Variants in SCAPER observed in about 807,000 individuals in gnomAD.
SCAPER encodes S phase cyclin A-associated protein in the endoplasmic reticulum.
Under a neutral mutation model 182.2 loss-of-function variants are expected in SCAPER, and 98 were observed. The observed-to-expected ratio is 0.54, with a 90% CI of 0.46 to 0.64. SCAPER has a LOEUF of 0.64. SCAPER is among the 30% of genes least tolerant of loss of function. The pLI is 0.00. For missense variants in SCAPER, 1,432 were observed against 1,690.0 expected (o/e 0.85, Z 2.68); for synonymous variants, 605 against 564.6 (o/e 1.07, Z -1.01).
chr15:76,832,012 T>A (rs981829671), intron 5 of SCAPER, among the ~76,000 whole-genome samples: 1 of 152,184 alleles, frequency 6.6e-6, no homozygotes, highest in Non-Finnish European at 1.5e-5. Context: ...CTTCAAAAAT[T>A]AAAAGAACAT....
At chr15:76,401,523 A>T (rs989911332) in intron 27 of SCAPER, among the ~76,000 whole-genome samples, 1 of 152,120 alleles carries the variant, frequency 6.6e-6, no homozygotes, top group Non-Finnish European at 1.5e-5. Context: ...ATCATTCTGT[A>T]ACAGAAATTT....
chr15:76,706,943 T>C (rs1016422568), intron 17 of SCAPER, among the ~76,000 whole-genome samples: 1 of 152,082 alleles, frequency 6.6e-6, no homozygotes. Flanking sequence ...TATACAACTG[T>C]ATAAAGAAAT....
At chr15:76,385,093 A>G (rs2043210791) in intron 27 of SCAPER, 1 of 152,196 alleles carries the variant, frequency 6.6e-6, no homozygotes, top group African/African-American at 2.4e-5. Flanking sequence ...ATTTCTGTTT[A>G]TCAAAAGCTA....
chr15:76,542,587 G>C (rs1258403991), intron 23 of SCAPER, among the ~76,000 whole-genome samples: 1 of 149,094 alleles, frequency 6.7e-6, no homozygotes, highest in African/African-American at 2.5e-5. Context: ...ATAAAAAAAA[G>C]AATCCACAAC....
At chr15:76,721,319 G>T (rs1322787916) in intron 17 of SCAPER, among the ~76,000 whole-genome samples, 1 of 151,968 alleles carries the variant, frequency 6.6e-6, no homozygotes, top group African/African-American at 2.4e-5. Flanking sequence ...TGCTGTTTTG[G>T]TTACTGTAGC....
At position 76,703,379 on chromosome 15, in the gene SCAPER, C is replaced by T. The variant is rs539565124; in HGVS notation, c.2248-377G>A. ...AGGCATCAACTTACAAATTATTTGC[C>T]AATAACACATTTTTGAGAACCACTT... On this transcript the variant is annotated intron_variant, in intron 18 of 31. Transcript: ENST00000563290. 2.0e-5 allele frequency among the ~76,000 whole-genome samples: 3 copies of T among 152,218 alleles called. No individual in the cohort carries two copies. In the South Asian group the frequency reaches 6.2e-4, roughly 32 times the overall value.
chr15:76,480,093 A>T lies in SCAPER; in HGVS notation c.2955-8758T>A, dbSNP rs558892536. ...AAAGAAGATGATTAGCAGTTTATAT[A>T]GTATTAGTTTGATGAGAACCCTCTA... On this transcript the variant is annotated intron_variant, in intron 24 of 31. Transcript: ENST00000563290. Among the ~76,000 whole-genome samples the T allele has an allele frequency of 5.3e-4, 80 of 152,332 alleles. No homozygotes were observed. In the Middle Eastern group the frequency reaches 0.014, roughly 26 times the overall value.
intron 20 of SCAPER, among the ~76,000 whole-genome samples, chr15:76,689,998 T>C (rs538526137): frequency 1.3e-5 from 2 of 151,256 alleles, no homozygotes; most frequent in South Asian, 4.2e-4. Flanking sequence ...ACCAGAAGAA[T>C]TCCAAAAATT....
chr15:76,477,840 T>C (rs1035340725), intron 24 of SCAPER, among the ~76,000 whole-genome samples: 1 of 152,136 alleles, frequency 6.6e-6, no homozygotes, highest in African/African-American at 2.4e-5. Flanking sequence ...GGGGTGTGTT[T>C]TCCTTATTTA....
chr15:76,655,137 T>A (rs910282356), intron 21 of SCAPER, among the ~76,000 whole-genome samples: 5 of 152,188 alleles, frequency 3.3e-5, no homozygotes, highest in African/African-American at 4.8e-5. Context: ...CTGAATCCAA[T>A]GATTCTAAGG....
intron 5 of SCAPER, among the ~76,000 whole-genome samples, chr15:76,824,750 T>C (rs909685120): frequency 2.6e-5 from 4 of 152,162 alleles, no homozygotes; most frequent in Non-Finnish European, 5.9e-5. Context: ...CCTAAATTTT[T>C]AATATAATCT....
chr15:76,575,769 G>C (rs1398793190), intron 22 of SCAPER, among the ~76,000 whole-genome samples: 1 of 152,162 alleles, frequency 6.6e-6, no homozygotes, highest in Admixed American at 6.5e-5. Flanking sequence ...CTCATCATAA[G>C]AGAATTAAAA....
intron 14 of SCAPER, among the ~76,000 whole-genome samples, chr15:76,763,431 T>C (rs2062920033): frequency 6.6e-6 from 1 of 152,174 alleles, no homozygotes. Context: ...TCTTGAGTTT[T>C]GACAATTTAA....
chr15:76,476,639 C>T (rs1240495758), intron 24 of SCAPER, among the ~76,000 whole-genome samples: 1 of 111,234 alleles, frequency 9.0e-6, no homozygotes, highest in Non-Finnish European at 1.7e-5. Flanking sequence ...GACAGAGTCT[C>T]ACTATGTTGC....
intron 21 of SCAPER, among the ~76,000 whole-genome samples, chr15:76,643,452 C>T (rs1232416325): frequency 2.0e-5 from 3 of 152,004 alleles, no homozygotes; most frequent in African/African-American, 7.2e-5. Flanking sequence ...GAGGCCAAGG[C>T]GGGTGTATCA....
intron 25 of SCAPER, 183 bp downstream of exon 25, chr15:76,471,029 A>T (rs543826683): frequency 2.1e-6 from 1 of 472,372 alleles, no homozygotes; most frequent in East Asian, 4.5e-5. Context: ...CAAAAATTTC[A>T]AATTATTAAT....
chr15:76,404,591 T>C lies in SCAPER; in HGVS notation c.3400A>G (p.Ile1134Val). Residue 1134 changes from isoleucine (I) to valine (V), a missense_variant, in exon 27 of 32, where the codon ATA (isoleucine) becomes GTA (valine). Around this residue, in one of 5 missense-constraint regions of SCAPER, gnomAD observed 718 missense variants for 799.7 expected, o/e 0.90. Transcript: ENST00000563290. Reference sequence around the variant, plus strand: ...AGTCCTGCGGCATGCTGCAGAAATATGGCCATCTTGGGATTCTCATCCACT... The same window carrying C: ...AGTCCTGCGGCATGCTGCAGAAATACGGCCATCTTGGGATTCTCATCCACT... ...GPVDENPKMA[I>V]FLQHAAGLLH... 2 of 1,613,674 alleles carry C rather than the reference T, an allele frequency of 1.2e-6. No individual in the cohort carries two copies. The highest frequency in any genetic ancestry group is 1.3e-5 in the African/African-American group (1 of 75,014).
intron 27 of SCAPER, among the ~76,000 whole-genome samples, chr15:76,395,776 T>C (rs2044007354): frequency 6.6e-6 from 1 of 152,112 alleles, no homozygotes; most frequent in Admixed American, 6.5e-5. Flanking sequence ...ACTTTGCAAA[T>C]ATTTTCTCTC....
intron 26 of SCAPER, among the ~76,000 whole-genome samples, chr15:76,426,820 A>G (rs2142425638): frequency 6.6e-6 from 1 of 152,344 alleles, no homozygotes; most frequent in African/African-American, 2.4e-5. Context: ...TTAAAAATGT[A>G]GTACAAAACT....
Sources: allele counts gnomAD v4.1 joint callset (sites outside exome capture counted in the v4.1 genomes callset), GRCh38; gene constraint gnomAD v4.1.1; regional missense constraint gnomAD v4.1.1; transcripts MANE v1.5; gene names NCBI Gene and HGNC (gene_info 2026-07-23, HGNC 2026-07-21).